MEIS2: variants seen among roughly 807,000 people sequenced by gnomAD.
MEIS2 encodes the protein Meis homeobox 2.
Under a neutral mutation model 58.6 loss-of-function variants are expected in MEIS2, and 9 were observed. That is an observed-to-expected ratio of 0.15 (90% CI 0.09 to 0.27). The LOEUF (loss-of-function observed/expected upper bound fraction) is 0.27. Ranked by LOEUF, MEIS2 falls within the 10% of genes least tolerant of loss-of-function variation. The pLI is 1.00. For missense variants in MEIS2, 427 were observed against 635.0 expected (o/e 0.67, Z 3.52); for synonymous variants, 221 against 228.4 (o/e 0.97, Z 0.29).
chr15:36,955,470 A>C (rs138446293), intron 8 of MEIS2, among the ~76,000 whole-genome samples: 1 of 152,340 alleles, frequency 6.6e-6, no homozygotes, highest in African/African-American at 2.4e-5. Flanking sequence ...AAAATTAGAC[A>C]TAAGTTCTCA....
rs1568679 is a variant in MEIS2 at position 37,057,601 on chromosome 15, T to C, written c.755-20642A>G. On this transcript the variant is annotated intron_variant, in intron 7 of 11. Coordinates refer to ENST00000561208, the MANE Select transcript of MEIS2 (RefSeq NM_170675.5). ...TCAACGGGGCCTCCTGGGACCCAACTAGCTGAGAAATCAGTGCCAAAGCAT... is the reference window on the plus strand; with the variant it reads ...TCAACGGGGCCTCCTGGGACCCAACCAGCTGAGAAATCAGTGCCAAAGCAT... 0.098 allele frequency among the ~76,000 whole-genome samples: 14,859 copies of C among 152,102 alleles called. 821 individuals carry two copies. The highest frequency in any genetic ancestry group is 0.14 in the East Asian group (749 of 5,168).
intron 6 of MEIS2, among the ~76,000 whole-genome samples, chr15:37,090,870 T>C (rs145885075): frequency 4.6e-5 from 7 of 152,252 alleles, no homozygotes; most frequent in Non-Finnish European, 8.8e-5. Context: ...CAGCATTTCA[T>C]GTGCAAATAA....
chr15:36,895,373 C>T (rs1416803963), intron 10 of MEIS2, 112 bp from the exon 11 acceptor site: 4 of 856,106 alleles, frequency 4.7e-6, no homozygotes, highest in East Asian at 5.2e-5. Context: ...GTGGTTGGCA[C>T]TCTACAAATG....
chr15:37,019,434 C>T (rs893021762), intron 8 of MEIS2, among the ~76,000 whole-genome samples: 3 of 152,134 alleles, frequency 2.0e-5, no homozygotes, highest in African/African-American at 7.2e-5. Flanking sequence ...CAAGCTATGT[C>T]AATGGAATAT....
At chr15:36,963,007 T>C (rs2141435320) in intron 8 of MEIS2, among the ~76,000 whole-genome samples, 1 of 152,296 alleles carries the variant, frequency 6.6e-6, no homozygotes, top group South Asian at 2.1e-4. Context: ...ATAGGAGGAA[T>C]GAAAATTATC....
intron 8 of MEIS2, among the ~76,000 whole-genome samples, chr15:36,970,549 T>C (rs2059516420): frequency 6.6e-6 from 1 of 152,166 alleles, no homozygotes; most frequent in Non-Finnish European, 1.5e-5. Flanking sequence ...AAAATCTGGA[T>C]TTCAACATTA....
At chr15:37,034,524 G>C (rs954819414) in intron 8 of MEIS2, among the ~76,000 whole-genome samples, 3 of 152,174 alleles carry the variant, frequency 2.0e-5, no homozygotes, top group African/African-American at 7.2e-5. Context: ...GCACAGCAGA[G>C]GTACAACAAG....
chr15:37,021,238 T>C (rs2061517211), intron 8 of MEIS2, among the ~76,000 whole-genome samples: 1 of 152,184 alleles, frequency 6.6e-6, no homozygotes, highest in African/African-American at 2.4e-5. Flanking sequence ...ACTAGACTGT[T>C]CTCTCTTCCC....
chr15:37,029,779 A>T (rs2061842160), intron 8 of MEIS2, among the ~76,000 whole-genome samples: 1 of 152,208 alleles, frequency 6.6e-6, no homozygotes, highest in African/African-American at 2.4e-5. Context: ...TTTCATTTTG[A>T]TGGTAAGAAA....
At position 36,892,169 on chromosome 15, in the gene MEIS2, T is replaced by C. The variant is rs750904379; in HGVS notation, c.*4A>G. 20 of 1,613,970 alleles carry C rather than the reference T, an allele frequency of 1.2e-5. No individual in the cohort carries two copies. The highest frequency in any genetic ancestry group is 1.6e-5 in the Non-Finnish European group (19 of 1,179,934). ...TGTTTCCTTTTCCCTTGAGTTCCCTTATACTATTGGGCATGAATGTCCATA... is the reference window on the plus strand; with the variant it reads ...TGTTTCCTTTTCCCTTGAGTTCCCTCATACTATTGGGCATGAATGTCCATA... On this transcript the variant is annotated 3_prime_UTR_variant, in exon 12 of 12. Transcript: ENST00000561208.
At chr15:37,076,346 T>C (rs1004554737) in intron 7 of MEIS2, among the ~76,000 whole-genome samples, 1 of 152,082 alleles carries the variant, frequency 6.6e-6, no homozygotes, top group African/African-American at 2.4e-5. Flanking sequence ...ACACGTGTAT[T>C]ACAATGTATA....
At chr15:37,077,741 A>G (rs1325607442) in intron 7 of MEIS2, among the ~76,000 whole-genome samples, 2 of 151,886 alleles carry the variant, frequency 1.3e-5, no homozygotes, top group African/African-American at 4.8e-5. Context: ...GGGGCGCGGC[A>G]TGACGTTAGC....
intron 8 of MEIS2, among the ~76,000 whole-genome samples, chr15:36,990,009 A>G (rs2141547528): frequency 6.6e-6 from 1 of 152,260 alleles, no homozygotes; most frequent in East Asian, 1.9e-4. Flanking sequence ...CAGTGGCACA[A>G]TCTCGGCTAA....
At chr15:36,918,706 C>T (rs1397347938) in intron 9 of MEIS2, among the ~76,000 whole-genome samples, 1 of 152,040 alleles carries the variant, frequency 6.6e-6, no homozygotes, top group Non-Finnish European at 1.5e-5. Context: ...AAGCTTTGGG[C>T]CCTTCCTTGA....
chr15:37,055,317 C>A (rs1455155152), intron 7 of MEIS2, among the ~76,000 whole-genome samples: 1 of 152,144 alleles, frequency 6.6e-6, no homozygotes, highest in African/African-American at 2.4e-5. Context: ...TTTCCTATCC[C>A]TCCTTACTCC....
intron 8 of MEIS2, among the ~76,000 whole-genome samples, chr15:37,020,034 A>AC (rs1452644572): frequency 2.0e-5 from 3 of 152,166 alleles, no homozygotes; most frequent in African/African-American, 7.2e-5. Context: ...ACTCAGCTAC[A>AC]CGCCAGGACT....
At chr15:36,927,192 G>A (rs2057781742) in intron 9 of MEIS2, among the ~76,000 whole-genome samples, 3 of 152,162 alleles carry the variant, frequency 2.0e-5, no homozygotes, top group Non-Finnish European at 2.9e-5. Flanking sequence ...AGATTTGCAA[G>A]GCCTGCCAAT....
intron 7 of MEIS2, among the ~76,000 whole-genome samples, chr15:37,074,308 C>T (rs183424148): frequency 4.7e-4 from 72 of 151,918 alleles, no homozygotes; most frequent in African/African-American, 1.6e-3. Flanking sequence ...CATATTTTTG[C>T]CAAACTGAGA....
intron 8 of MEIS2, among the ~76,000 whole-genome samples, chr15:36,993,835 T>C (rs1236284678): frequency 6.6e-6 from 1 of 152,144 alleles, no homozygotes; most frequent in African/African-American, 2.4e-5. Context: ...TGCTTTAAAT[T>C]ATGGTACTAA....
Sources: gnomAD v4.1 joint callset for allele counts (sites outside exome capture counted in the v4.1 genomes callset) on GRCh38, gnomAD v4.1.1 for gene constraint, MANE v1.5 for transcripts, NCBI Gene and HGNC (gene_info 2026-07-23, HGNC 2026-07-21) for gene names.